Variants in DOCK10 observed in about 807,000 individuals in gnomAD.
DOCK10 encodes dedicator of cytokinesis protein 10.
Under a neutral mutation model 280.1 loss-of-function variants are expected in DOCK10, and 145 were observed. That is an observed-to-expected ratio of 0.52 (90% confidence interval 0.45 to 0.59). The LOEUF (loss-of-function observed/expected upper bound fraction) is 0.59. DOCK10 is among the 20% of genes least tolerant of loss of function. The pLI is 0.00. For synonymous variants in DOCK10, 915 were observed against 942.2 expected, an observed-to-expected ratio of 0.97 and a Z score of 0.53; for missense variants, 2,368 against 2,651.7, an observed-to-expected ratio of 0.89 and a Z score of 2.35.
rs1448620208 is a variant in DOCK10, at chr2:224,841,818, T to A, written c.2647A>T (p.Ile883Phe). Residue 883 changes from isoleucine to phenylalanine, a missense_variant, in exon 23 of 56, where the codon ATC becomes TTC. Coordinates refer to ENST00000258390, the MANE Select transcript of DOCK10 (RefSeq NM_014689.3). ...TGTCATGTTACCTTACAAGAGCGGA[T>A]GAAATTTGAGGTAGGTGACTGAGAC... ...DMSQSPTSNF[I>F]RSCKNLLNVE... The A allele has an allele frequency of 6.2e-7, 1 of 1,602,226 alleles. No homozygotes were observed. Among genetic ancestry groups the A allele is most frequent in the Admixed American group, 1.7e-5 (1 of 59,994 alleles).
At chr2:224,940,629 C>G (rs1445451232) in intron 1 of DOCK10, among the ~76,000 whole-genome samples, 1 of 152,212 alleles carries the variant, frequency 6.6e-6, no homozygotes, top group Non-Finnish European at 1.5e-5. Context: ...CAGGGAAATA[C>G]ATTCAGTGCA....
intron 1 of DOCK10, among the ~76,000 whole-genome samples, chr2:225,037,201 T>C (rs1432264170): frequency 6.6e-6 from 1 of 152,206 alleles, no homozygotes; most frequent in African/African-American, 2.4e-5. Flanking sequence ...TCTTAAGACT[T>C]TGCAATACAG....
At chr2:224,854,503 A>T (rs1207364162) in intron 16 of DOCK10, among the ~76,000 whole-genome samples, 3 of 152,224 alleles carry the variant, frequency 2.0e-5, no homozygotes, top group Non-Finnish European at 2.9e-5. Flanking sequence ...CTCTGGCAGC[A>T]CAATATGGCA....
At chr2:224,957,280 T>C (rs1704090377) in intron 1 of DOCK10, among the ~76,000 whole-genome samples, 2 of 110,234 alleles carry the variant, frequency 1.8e-5, no homozygotes, top group Non-Finnish European at 1.9e-5. Flanking sequence ...TAGTTTTTAC[T>C]TTCCGCCCCC....
chr2:224,805,456 A>G lies in DOCK10; in HGVS notation c.3888T>C (p.Asn1296=). The G allele has an allele frequency of 6.2e-7, 1 of 1,612,772 alleles. No homozygotes were observed. Among genetic ancestry groups the G allele is most frequent in the Non-Finnish European group, 8.5e-7 (1 of 1,179,178 alleles). The stretch of plus-strand genomic sequence containing the variant: ...CACTGCTCTTCTCATTGGTACTTGG[A>G]TTGGAGTCAAGACTTGCTAAAGATG... ...SRASLASLDS[N]PSTNEKSSEK... Residue 1296 remains asparagine, a synonymous_variant, in exon 35 of 56, where the codon AAT becomes AAC. Transcript: ENST00000258390. The surrounding 1 kb of genome is among the most constrained non-coding windows in gnomAD (Gnocchi z 4.3).
chr2:224,987,490 C>T (rs892317235), intron 1 of DOCK10, among the ~76,000 whole-genome samples: 1 of 152,194 alleles, frequency 6.6e-6, no homozygotes, highest in Non-Finnish European at 1.5e-5. Flanking sequence ...AGGGCAAATA[C>T]TTCCAGAATA....
Position 224,805,669 on chromosome 2 carries a change from G to A in DOCK10, c.3815-140C>T. On this transcript the variant is annotated intron_variant, in intron 34 of 55. Coordinates refer to ENST00000258390, the MANE Select transcript of DOCK10 (RefSeq NM_014689.3). This position sits in a 1 kb window ranked among gnomAD's most constrained non-coding sequence, Gnocchi z 4.3. ...CAAAGACCAACATAACAGCGTCTGG[G>A]ATTGGCATTAAAGCCAGCTCTTGTT... 9.0e-7 allele frequency: 1 copy of A among 1,116,910 alleles called. No homozygotes were observed. Among genetic ancestry groups the A allele is most frequent in the Non-Finnish European group, 1.3e-6 (1 of 798,430 alleles). The allele number at this position is 1,116,910 out of a possible 1,614,324, so 69.2% of individuals were successfully genotyped here.
intron 48 of DOCK10, among the ~76,000 whole-genome samples, chr2:224,788,843 T>C (rs1374743427): frequency 6.6e-6 from 1 of 152,240 alleles, no homozygotes. Flanking sequence ...GAGCTGATAA[T>C]ATACATTTGA....
At chr2:225,037,696 G>A (rs994676123) in intron 1 of DOCK10, among the ~76,000 whole-genome samples, 3 of 152,140 alleles carry the variant, frequency 2.0e-5, no homozygotes, top group Non-Finnish European at 2.9e-5. Context: ...CAGGCACATC[G>A]TACATTCTTA....
chr2:224,800,618 C>T (rs920090378), intron 40 of DOCK10, among the ~76,000 whole-genome samples: 7 of 152,162 alleles, frequency 4.6e-5, no homozygotes, highest in African/African-American at 1.7e-4. Context: ...GTCTTTATGT[C>T]CCCTCGGAAA....
At chr2:224,923,941 C>T (rs183353663) in intron 2 of DOCK10, among the ~76,000 whole-genome samples, 35 of 152,300 alleles carry the variant, frequency 2.3e-4, no homozygotes, top group South Asian at 2.1e-3. Flanking sequence ...TGAATTCAGC[C>T]GGTCATTTTA....
In DOCK10 at chr2:224,807,748, G is replaced by A. The variant is rs1693496877; in HGVS notation, c.3622C>T (p.Leu1208=). 4 of 1,572,096 alleles carry A rather than the reference G, an allele frequency of 2.5e-6. No individual in the cohort carries two copies. Among genetic ancestry groups the A allele is most frequent in the Non-Finnish European group, 3.5e-6 (4 of 1,157,238 alleles). ...QAQIASLYMP[L]YGMLLDNMPR... The stretch of plus-strand genomic sequence containing the variant: ...ATATTGTCCAGGAGCATGCCGTACA[G>A]GGGCATGTATAAACTTGCTATCTGG... The change falls in exon 33 of 56, where the codon CTG becomes TTG. Residue 1208 remains leucine, a synonymous_variant. Coordinates refer to ENST00000258390, the MANE Select transcript of DOCK10 (RefSeq NM_014689.3).
At chr2:224,822,312 C>T (rs1263207306) in intron 28 of DOCK10, among the ~76,000 whole-genome samples, 4 of 152,166 alleles carry the variant, frequency 2.6e-5, no homozygotes, top group Non-Finnish European at 5.9e-5. Flanking sequence ...CCTCTCAGCT[C>T]AATATAAATG....
chr2:224,892,092 A>G lies in DOCK10; in HGVS notation c.416+4203T>C, dbSNP rs138447967. ...AGAAATAAGATAATTTCTCTGAGTG[A>G]AAATGGTTGTTAAGAAAATCAAGGC... On this transcript the variant is annotated intron_variant, in intron 4 of 55. Coordinates refer to ENST00000258390, the MANE Select transcript of DOCK10 (RefSeq NM_014689.3). Among the ~76,000 whole-genome samples the G allele has an allele frequency of 1.5e-4, 23 of 152,256 alleles. No homozygotes were observed. In the East Asian group the frequency reaches 4.4e-3, roughly 29 times the overall value.
At chr2:224,829,249 G>T (rs1467299762) in intron 27 of DOCK10, among the ~76,000 whole-genome samples, 1 of 152,204 alleles carries the variant, frequency 6.6e-6, no homozygotes, top group Non-Finnish European at 1.5e-5. Flanking sequence ...CCTGACTAAA[G>T]TTCTGTTAAC....
At chr2:224,985,552 A>C (rs1393946599) in intron 1 of DOCK10, among the ~76,000 whole-genome samples, 1 of 151,928 alleles carries the variant, frequency 6.6e-6, no homozygotes, top group Non-Finnish European at 1.5e-5. Context: ...GATGTTTTTA[A>C]CATCTTATTG....
intron 1 of DOCK10, among the ~76,000 whole-genome samples, chr2:225,000,659 G>C (rs1484062959): frequency 6.6e-6 from 1 of 152,178 alleles, no homozygotes; most frequent in Non-Finnish European, 1.5e-5. Context: ...CTCAGAGAAA[G>C]GTTGCCCGAA....
At chr2:224,921,497 A>G (rs1287044661) in intron 2 of DOCK10, among the ~76,000 whole-genome samples, 2 of 151,756 alleles carry the variant, frequency 1.3e-5, no homozygotes, top group African/African-American at 2.4e-5. Flanking sequence ...TTCACATCCA[A>G]TTTATGAGAC....
chr2:224,775,209 G>A, intron 51 of DOCK10, 94 bp from the exon 52 acceptor site: 1 of 1,134,824 alleles, frequency 8.8e-7, no homozygotes. Flanking sequence ...TCCAGAGGAG[G>A]CTGTGCCTCT....
Sources: gnomAD v4.1 joint callset for allele counts (sites outside exome capture counted in the v4.1 genomes callset) on GRCh38, gnomAD v4.1.1 for gene constraint, Gnocchi (gnomAD v3.1) non-coding constraint, MANE v1.5 for transcripts, NCBI Gene and HGNC (gene_info 2026-07-23, HGNC 2026-07-21) for gene names.